Variants in TBC1D19 observed in about 807,000 individuals in gnomAD.
The protein encoded by TBC1D19 is TBC1 domain family member 19, also known as TBC1 domain family, member 19.
Under a neutral mutation model 89.0 loss-of-function variants are expected in TBC1D19, and 60 were observed. That is an observed-to-expected ratio of 0.67 (90% CI 0.55 to 0.84). The LOEUF is 0.84. Among genes scored for constraint, TBC1D19 ranks in the 40% least tolerant of loss-of-function variants. TBC1D19 has a pLI of 0.00. For missense variants in TBC1D19, 500 were observed against 610.8 expected, an observed-to-expected ratio of 0.82 and a Z score of 1.91; for synonymous variants, 189 against 199.7, an observed-to-expected ratio of 0.95 and a Z score of 0.45.
intron 11 of TBC1D19, 93 bp downstream of exon 11, chr4:26,673,981 T>C (rs999758021): frequency 4.5e-6 from 3 of 662,872 alleles, no homozygotes; most frequent in Non-Finnish European, 7.5e-6. Flanking sequence ...TTTTGTTTCT[T>C]AATCTATTAT....
At position 26,637,216 on chromosome 4, in the gene TBC1D19, T is replaced by C. The variant is rs774507942; in HGVS notation, c.300T>C (p.Ser100=). 1.2e-6 allele frequency: 2 copies of C among 1,604,306 alleles called. No homozygotes were observed. Residue 100 remains serine, a synonymous_variant, in exon 5 of 21, where the codon AGT becomes AGC. Transcript: ENST00000264866. ...PLVYMRKAQG[S]WEKRILKSLN... is the part of the protein sequence containing the mutation. ...GATTGTTTTTTATGTTTCAGGGAAG[T>C]TGGGAAAAAAGAATTTTGAAGAGTT... is the stretch of plus-strand genomic sequence containing the variant.
chr4:26,736,888 C>T (rs534179284), intron 16 of TBC1D19, among the ~76,000 whole-genome samples: 40 of 152,264 alleles, frequency 2.6e-4, no homozygotes, highest in African/African-American at 9.6e-4. Flanking sequence ...ATGAGGAATG[C>T]AAGAAGCTTA....
the TBC1D19 span, among the ~76,000 whole-genome samples, chr4:26,830,044 G>A: frequency 6.6e-6 from 1 of 152,096 alleles, no homozygotes; most frequent in South Asian, 2.1e-4. Context: ...TTAGTGATTT[G>A]TCCATTCCAT....
intron 9 of TBC1D19, among the ~76,000 whole-genome samples, chr4:26,668,364 A>G (rs1426901321): frequency 2.0e-5 from 3 of 151,998 alleles, no homozygotes; most frequent in Non-Finnish European, 4.4e-5. Context: ...TTTTTAAACT[A>G]CAGTGCAGAT....
At chr4:26,588,628 A>AT (rs1739579670) in intron 1 of TBC1D19, among the ~76,000 whole-genome samples, 1 of 152,170 alleles carries the variant, frequency 6.6e-6, no homozygotes, top group Non-Finnish European at 1.5e-5. Flanking sequence ...CCCAATTAAA[A>AT]TTTAAAAAAA....
chr4:26,722,294 C>A lies in TBC1D19; in HGVS notation c.1084+2169C>A, dbSNP rs181292076. 3.6e-3 allele frequency among the ~76,000 whole-genome samples: 554 copies of A among 152,114 alleles called. 2 individuals carry two copies. The highest frequency in any genetic ancestry group is 0.011 in the African/African-American group (447 of 41,494). On this transcript the variant is annotated intron_variant, in intron 15 of 20. Coordinates refer to ENST00000264866, the MANE Select transcript of TBC1D19 (RefSeq NM_018317.4). Reference sequence around the variant, plus strand: ...GAAGCAAGAAACAATAACAAAATACCTCTGAATAGCCAAAAGAGTTGTCCA... The same window carrying A: ...GAAGCAAGAAACAATAACAAAATACATCTGAATAGCCAAAAGAGTTGTCCA...
At chr4:26,819,494 A>G in the TBC1D19 span, among the ~76,000 whole-genome samples, 3 of 152,148 alleles carry the variant, frequency 2.0e-5, no homozygotes, top group Non-Finnish European at 4.4e-5. Context: ...ATTTCTCATC[A>G]TCTCTACCAC....
At chr4:26,772,032 A>G in the TBC1D19 span, among the ~76,000 whole-genome samples, 9 of 152,192 alleles carry the variant, frequency 5.9e-5, no homozygotes, top group African/African-American at 1.9e-4. Context: ...AATATTACCA[A>G]TATCAGAAAT....
chr4:26,746,635 T>C (rs1436298538), intron 18 of TBC1D19, among the ~76,000 whole-genome samples: 1 of 152,198 alleles, frequency 6.6e-6, no homozygotes, highest in Admixed American at 6.5e-5. Flanking sequence ...GGGAGATATA[T>C]TCCAAGACCC....
chr4:26,639,329 G>C (rs1003401713), intron 6 of TBC1D19, among the ~76,000 whole-genome samples: 12 of 151,890 alleles, frequency 7.9e-5, no homozygotes, highest in African/African-American at 2.7e-4. Context: ...CAAAGTGCTG[G>C]GATTACAGGT....
the TBC1D19 span, among the ~76,000 whole-genome samples, chr4:26,823,753 C>T: frequency 6.6e-6 from 1 of 152,220 alleles, no homozygotes; most frequent in Non-Finnish European, 1.5e-5. Context: ...TCACTTGCAA[C>T]CACAAGAGTC....
chr4:26,844,781 T>A, the TBC1D19 span, among the ~76,000 whole-genome samples: 2 of 152,228 alleles, frequency 1.3e-5, no homozygotes, highest in African/African-American at 4.8e-5. Flanking sequence ...TTTTCTACTT[T>A]CCGCTTTTCT....
chr4:26,804,644 G>T, the TBC1D19 span, among the ~76,000 whole-genome samples: 1 of 152,102 alleles, frequency 6.6e-6, no homozygotes, highest in Non-Finnish European at 1.5e-5. Flanking sequence ...AGCCCAGGAC[G>T]GCGCAGCGCA....
chr4:26,681,397 A>T (rs980929321), intron 11 of TBC1D19, among the ~76,000 whole-genome samples: 1 of 151,972 alleles, frequency 6.6e-6, no homozygotes, highest in East Asian at 1.9e-4. Context: ...AAACAAAAAA[A>T]AAAATCAGGC....
At chr4:26,727,008 T>C (rs1284197518) in intron 15 of TBC1D19, among the ~76,000 whole-genome samples, 1 of 152,218 alleles carries the variant, frequency 6.6e-6, no homozygotes, top group Non-Finnish European at 1.5e-5. Context: ...AGGCAGTTAA[T>C]ATTTTAGACT....
chr4:26,577,477 G>A (rs921133459), intron 1 of TBC1D19, among the ~76,000 whole-genome samples: 90 of 152,152 alleles, frequency 5.9e-4, no homozygotes, highest in Admixed American at 9.2e-4. Context: ...GTCCCCTCCT[G>A]GGGAAAATTG....
the TBC1D19 span, among the ~76,000 whole-genome samples, chr4:26,799,604 T>A: frequency 3.3e-5 from 5 of 152,174 alleles, no homozygotes; most frequent in African/African-American, 1.2e-4. Context: ...TTATAAGAGC[T>A]CTGCCCTCAT....
the TBC1D19 span, among the ~76,000 whole-genome samples, chr4:26,765,910 G>A: frequency 2.0e-5 from 3 of 151,952 alleles, no homozygotes; most frequent in Non-Finnish European, 4.4e-5. Flanking sequence ...CTTTATAAAT[G>A]GAATCACTGC....
chr4:26,739,046 A>G (rs759234642), intron 16 of TBC1D19, among the ~76,000 whole-genome samples: 17 of 152,198 alleles, frequency 1.1e-4, no homozygotes, highest in Non-Finnish European at 1.6e-4. Context: ...AGTTGTATCT[A>G]TCTGCATTAT....
Sources: gnomAD v4.1 joint callset for allele counts (sites outside exome capture counted in the v4.1 genomes callset) on GRCh38, gnomAD v4.1.1 for gene constraint, MANE v1.5 for transcripts, NCBI Gene and HGNC (gene_info 2026-07-23, HGNC 2026-07-21) for gene names.